Variants in MCM10 observed in about 807,000 individuals in gnomAD.
MCM10 encodes the protein minichromosome maintenance 10 replication initiation factor, also known as protein MCM10 homolog.
Under a neutral mutation model 109.9 loss-of-function variants are expected in MCM10, and 91 were observed. The observed-to-expected ratio is 0.83, with a 90% confidence interval of 0.70 to 0.99. The LOEUF (loss-of-function observed/expected upper bound fraction) is 0.99. MCM10 is among the 50% of genes least tolerant of loss of function. The pLI is 0.00. For synonymous variants in MCM10, 380 were observed against 387.2 expected, an observed-to-expected ratio of 0.98 and a Z score of 0.22; for missense variants, 1,077 against 1,061.2, an observed-to-expected ratio of 1.01 and a Z score of -0.21.
At position 13,183,011 on chromosome 10, in the gene MCM10, G is replaced by A; in HGVS notation, c.1009G>A (p.Val337Ile). ...QCVSLFLFGEVHKALWKTEQG... is the reference protein window; with the variant it reads ...QCVSLFLFGEIHKALWKTEQG... The stretch of plus-strand genomic sequence containing the variant: ...TGTGTCCTTGTTCTTATTTGGAGAA[G>A]TTCACAAAGCGCTCTGGAAGACGGA... Residue 337 changes from valine to isoleucine, a missense_variant, in exon 8 of 20, where the codon GTT (valine) becomes ATT (isoleucine). Transcript: ENST00000378714. The A allele has an allele frequency of 6.2e-7, 1 of 1,614,166 alleles. No individual in the cohort carries two copies. Among genetic ancestry groups the A allele is most frequent in the Non-Finnish European group, 8.5e-7 (1 of 1,180,008 alleles).
chr10:13,196,897 C>T (rs1264161982), intron 14 of MCM10, among the ~76,000 whole-genome samples: 2 of 151,878 alleles, frequency 1.3e-5, no homozygotes, highest in East Asian at 3.9e-4. Flanking sequence ...AAAGGTAGGT[C>T]AATGCTATAT....
Position 13,210,744 on chromosome 10 carries a change from CTTTTT to C in MCM10, c.*1435_*1439del, listed in dbSNP as rs969032438. The C allele has an allele frequency of 1.3e-5, 2 of 152,088 alleles. No homozygotes were observed. Among genetic ancestry groups the C allele is most frequent in the African/African-American group, 4.8e-5 (2 of 41,408 alleles). 9.4% of individuals were successfully genotyped at this position (152,088 alleles called of 1,614,324 possible). A position where few individuals can be genotyped will look rare whatever the true frequency, so the allele number is the denominator to read the frequency against. On this transcript the variant is annotated 3_prime_UTR_variant, in exon 20 of 20. Transcript: ENST00000378714. ...TTCTACTTTATAGAAGGTTGCTTTTCTTTTTAATTTTTTCTAACAAAGAAAAGAAT... is the reference window on the plus strand; with the variant it reads ...TTCTACTTTATAGAAGGTTGCTTTTCAATTTTTTCTAACAAAGAAAAGAAT...
At position 13,209,497 on chromosome 10, in the gene MCM10, A is replaced by AT. The variant is rs1387725606; in HGVS notation, c.*190dup. On this transcript the variant is annotated 3_prime_UTR_variant, in exon 20 of 20. Transcript: ENST00000378714. ...GTTTGATACCACATTTAACATTGACATTTAAGTGGAAAACCAAGTTATCAT... is the reference window on the plus strand; with the variant it reads ...GTTTGATACCACATTTAACATTGACATTTTAAGTGGAAAACCAAGTTATCAT... 3 of 598,438 alleles carry AT rather than the reference A, an allele frequency of 5.0e-6. No homozygotes were observed. The African/African-American group carries it at 5.6e-5, about 11-fold the overall frequency. 37.1% of individuals were successfully genotyped at this position (598,438 alleles called of 1,614,324 possible). A position where few individuals can be genotyped will look rare whatever the true frequency, so the allele number is the denominator to read the frequency against.
In MCM10 at chr10:13,188,950, C is replaced by T. The variant is rs2296222; in HGVS notation, c.1285C>T (p.Leu429=). The part of the protein sequence containing the change: ...YKKLSAKRAD[L]QSTFSGGRIP... ...GAAGCTCAGCGCAAAGCGTGCGGAT[C>T]TGCAGTCCACCTTCTCTGGAGGACG... The change falls in exon 10 of 20, where the codon CTG becomes TTG. Residue 429 remains leucine (L), a synonymous_variant. Coordinates refer to ENST00000378714, the MANE Select transcript of MCM10 (RefSeq NM_018518.5). 0.16 allele frequency: 251,476 copies of T among 1,614,098 alleles called. 21,742 individuals carry two copies. The highest frequency in any genetic ancestry group is 0.32 in the Admixed American group (18,915 of 60,024).
chr10:13,181,858 C>G (rs1036124595), intron 7 of MCM10, among the ~76,000 whole-genome samples: 1 of 152,096 alleles, frequency 6.6e-6, no homozygotes, highest in Non-Finnish European at 1.5e-5. Context: ...ACAGGCACTG[C>G]ACAAATCCCT....
At chr10:13,176,633 A>T (rs1834145259) in intron 6 of MCM10, among the ~76,000 whole-genome samples, 1 of 152,220 alleles carries the variant, frequency 6.6e-6, no homozygotes, top group Non-Finnish European at 1.5e-5. Context: ...GTGGTAGCTC[A>T]CACCTGCTAT....
rs772322809 is a variant in MCM10, at chr10:13,201,435, G to T, written c.2253G>T (p.Met751Ile). ...TGTCATTCCAGGCCGAGGCTGAGAT[G>T]CAGGAGCGCTACTTTGAGCCACTGG... ...TGILKEAEAE[M>I]QERYFEPLVK... The change falls in exon 17 of 20, where the codon ATG becomes ATT. Residue 751 changes from methionine to isoleucine, a missense_variant. Physicochemically the swap from Met to Ile is conservative, Grantham distance 10. Coordinates refer to ENST00000378714, the MANE Select transcript of MCM10 (RefSeq NM_018518.5). 5 of 1,612,302 alleles carry T rather than the reference G, an allele frequency of 3.1e-6. No homozygotes were observed.
At position 13,175,700 on chromosome 10, in the gene MCM10, TA is replaced by T. The variant is rs773611656; in HGVS notation, c.764+20del. 4 of 1,556,264 alleles carry T rather than the reference TA, an allele frequency of 2.6e-6. No individual in the cohort carries two copies. The highest frequency in any genetic ancestry group is 3.5e-6 in the Non-Finnish European group (4 of 1,144,636). ...GGCTCAGGTCAGTAGCTAAACCATC[TA>T]TTCATGTGCGCCACGGCATAGCTTT... On this transcript the variant is annotated intron_variant, in intron 6 of 19. Transcript: ENST00000378714.
intron 15 of MCM10, among the ~76,000 whole-genome samples, chr10:13,198,063 C>T (rs778618243): frequency 2.6e-5 from 4 of 152,100 alleles, no homozygotes; most frequent in Non-Finnish European, 4.4e-5. Context: ...CAAGCGCGCG[C>T]CACCACGCCC....
At chr10:13,164,672 A>G (rs989307498) in intron 2 of MCM10, among the ~76,000 whole-genome samples, 1 of 152,200 alleles carries the variant, frequency 6.6e-6, no homozygotes, top group African/African-American at 2.4e-5. Flanking sequence ...GTTTTTATTA[A>G]TATCATCCTT....
rs781319829 is a variant in MCM10 at position 13,209,362 on chromosome 10, A to G, written c.*52A>G. The G allele has an allele frequency of 3.6e-6, 5 of 1,390,822 alleles. 1 individual carries two copies. The South Asian group carries it at 5.9e-5, about 16-fold the overall frequency. 86.2% of individuals were successfully genotyped at this position (1,390,822 alleles called of 1,614,324 possible). A position where few individuals can be genotyped will look rare whatever the true frequency, so the allele number is the denominator to read the frequency against. ...ACTTCCTGGCCTCCTGTGACTCTGGAAAGCAAAGGATTGGCTGTGTATTGT... is the reference window on the plus strand; with the variant it reads ...ACTTCCTGGCCTCCTGTGACTCTGGGAAGCAAAGGATTGGCTGTGTATTGT... On this transcript the variant is annotated 3_prime_UTR_variant, in exon 20 of 20. Coordinates refer to ENST00000378714, the MANE Select transcript of MCM10 (RefSeq NM_018518.5).
Position 13,182,828 on chromosome 10 carries a change from T to G in MCM10, c.931-105T>G. 1 of 835,958 alleles carries G rather than the reference T, an allele frequency of 1.2e-6. No individual in the cohort carries two copies. Among genetic ancestry groups the G allele is most frequent in the Non-Finnish European group, 1.8e-6 (1 of 551,592 alleles). The allele number at this position is 835,958 out of a possible 1,614,324, so 51.8% of individuals were successfully genotyped here. On this transcript the variant is annotated intron_variant, in intron 7 of 19. Coordinates refer to ENST00000378714, the MANE Select transcript of MCM10 (RefSeq NM_018518.5). This position sits in a 1 kb window ranked among gnomAD's most constrained non-coding sequence, Gnocchi z 4.2. ...GAATAACAACAAAAAAACTTGGATT[T>G]TATGGATTATAGGCATATAGTTTTC...
At position 13,172,846 on chromosome 10, in the gene MCM10, CTG is replaced by C. The variant is rs1426407379; in HGVS notation, c.592+85_592+86del. The C allele has an allele frequency of 1.2e-5, 17 of 1,412,752 alleles. No individual in the cohort carries two copies. The highest frequency in any genetic ancestry group is 1.6e-5 in the Non-Finnish European group (16 of 1,023,490). The allele number at this position is 1,412,752 out of a possible 1,614,324, so 87.5% of individuals were successfully genotyped here. On this transcript the variant is annotated intron_variant, in intron 5 of 19. Coordinates refer to ENST00000378714, the MANE Select transcript of MCM10 (RefSeq NM_018518.5). This position sits in a 1 kb window ranked among gnomAD's most constrained non-coding sequence, Gnocchi z 5.2. Reference sequence around the variant, plus strand: ...GGGGTGTTCATGTGTGTGTGGGTGTCTGTGTCTTTTGGTCTGTCTTATGTCCC... The same window carrying C: ...GGGGTGTTCATGTGTGTGTGGGTGTCTGTCTTTTGGTCTGTCTTATGTCCC...
At chr10:13,192,128 T>C (rs1226926959) in intron 11 of MCM10, 127 bp from the exon 12 acceptor site, 2 of 618,844 alleles carry the variant, frequency 3.2e-6, no homozygotes, top group East Asian at 2.8e-5. Flanking sequence ...TTCTTTCCTC[T>C]TGGGATTCCG....
chr10:13,169,754 G>T (rs953998774), intron 2 of MCM10, among the ~76,000 whole-genome samples: 1 of 152,238 alleles, frequency 6.6e-6, no homozygotes, highest in Non-Finnish European at 1.5e-5. Flanking sequence ...CACCCAGGCT[G>T]GAGTGCAGTG....
At chr10:13,199,044 T>C (rs1009618518) in intron 16 of MCM10, among the ~76,000 whole-genome samples, 1 of 152,122 alleles carries the variant, frequency 6.6e-6, no homozygotes, top group Non-Finnish European at 1.5e-5. Context: ...TACAGGTGCC[T>C]GCCACCACAC....
intron 2 of MCM10, among the ~76,000 whole-genome samples, chr10:13,164,770 T>C (rs542802360): frequency 5.9e-5 from 9 of 152,176 alleles, no homozygotes; most frequent in Non-Finnish European, 1.2e-4. Flanking sequence ...CTAAAATGAT[T>C]GTGCTGGGCT....
intron 2 of MCM10, among the ~76,000 whole-genome samples, chr10:13,166,807 T>C (rs925771027): frequency 6.6e-6 from 1 of 151,722 alleles, no homozygotes; most frequent in Non-Finnish European, 1.5e-5. Flanking sequence ...CTTTAAGCAG[T>C]GCTGAATGCT....
intron 8 of MCM10, among the ~76,000 whole-genome samples, chr10:13,183,429 A>G (rs1834235034): frequency 6.6e-6 from 1 of 151,502 alleles, no homozygotes; most frequent in African/African-American, 2.4e-5. Context: ...ACAAAGTAAG[A>G]CCCCATCTCA....
Sources: allele counts gnomAD v4.1 joint callset (sites outside exome capture counted in the v4.1 genomes callset), GRCh38; gene constraint gnomAD v4.1.1; non-coding constraint Gnocchi (gnomAD v3.1); transcripts MANE v1.5; gene names NCBI Gene and HGNC (gene_info 2026-07-23, HGNC 2026-07-21).